Variants in IARS1 observed in about 807,000 individuals in gnomAD.
IARS1 encodes the protein isoleucyl-tRNA synthetase 1.
Under a neutral mutation model 168.2 loss-of-function variants are expected in IARS1, and 124 were observed. The ratio of observed to expected loss-of-function variants is 0.74; its 90% CI spans 0.64 to 0.86. The LOEUF is 0.86. Ranked by LOEUF, IARS1 falls within the 40% of genes least tolerant of loss-of-function variation. The pLI, the probability that IARS1 is intolerant of heterozygous loss-of-function variation, is 0.00. For missense variants in IARS1, 1,452 were observed against 1,515.8 expected (o/e 0.96, Z 0.70); for synonymous variants, 532 against 529.4 (o/e 1.00, Z -0.07).
At chr9:92,276,454 G>A (rs914232670) in intron 9 of IARS1, among the ~76,000 whole-genome samples, 2 of 152,182 alleles carry the variant, frequency 1.3e-5, no homozygotes, top group Non-Finnish European at 2.9e-5. Context: ...CCTGTAGGGA[G>A]GAATGGGATG....
At chr9:92,271,473 A>C in intron 11 of IARS1, 60 bp downstream of exon 11, 5 of 1,584,646 alleles carry the variant, frequency 3.2e-6, no homozygotes, top group Non-Finnish European at 4.3e-6. Flanking sequence ...ACAATTATAA[A>C]TGATGGTAGA....
At chr9:92,279,304 C>T (rs969915650) in intron 7 of IARS1, among the ~76,000 whole-genome samples, 3 of 152,298 alleles carry the variant, frequency 2.0e-5, no homozygotes, top group South Asian at 4.1e-4. Context: ...CTGCCAAGCA[C>T]AAGAGTTATA....
chr9:92,277,439 C>A (rs138089890), intron 9 of IARS1, among the ~76,000 whole-genome samples: 1 of 152,112 alleles, frequency 6.6e-6, no homozygotes, highest in East Asian at 1.9e-4. Context: ...AAATCCCAGC[C>A]AGGTGCAGTG....
intron 20 of IARS1, among the ~76,000 whole-genome samples, chr9:92,255,527 G>A (rs978510049): frequency 2.0e-5 from 3 of 152,100 alleles, no homozygotes; most frequent in African/African-American, 7.2e-5. Context: ...ATTACCCAAC[G>A]AACTCACTGT....
At chr9:92,262,814 C>T (rs3780341) in intron 17 of IARS1, among the ~76,000 whole-genome samples, 155 bp downstream of exon 17, 4,518 of 152,300 alleles carry the variant, frequency 0.03, 103 homozygotes, top group South Asian at 0.079. Flanking sequence ...CTTCCTCCTC[C>T]TCCATCAGGC....
chr9:92,217,100 G>C (rs1253322161), intron 33 of IARS1, among the ~76,000 whole-genome samples: 1 of 149,650 alleles, frequency 6.7e-6, no homozygotes, highest in Non-Finnish European at 1.5e-5. Flanking sequence ...AATCAAACTA[G>C]AACTCAGGAT....
At chr9:92,251,989 A>G in intron 21 of IARS1, 104 bp from the exon 22 acceptor site, 1 of 815,912 alleles carries the variant, frequency 1.2e-6, no homozygotes, top group Non-Finnish European at 2.0e-6. Flanking sequence ...AACATGCAGC[A>G]TACAGACAAG....
At chr9:92,284,055 G>A (rs1019124846) in intron 6 of IARS1, among the ~76,000 whole-genome samples, 1 of 152,110 alleles carries the variant, frequency 6.6e-6, no homozygotes, top group African/African-American at 2.4e-5. Flanking sequence ...GTATGTTCCT[G>A]TAGTCCCAGC....
chr9:92,271,636 A>G lies in IARS1; in HGVS notation c.1010T>C (p.Met337Thr), dbSNP rs758319374. 7 of 1,614,108 alleles carry G rather than the reference A, an allele frequency of 4.3e-6. No individual in the cohort carries two copies. Among genetic ancestry groups the G allele is most frequent in the South Asian group, 1.1e-5 (1 of 91,088 alleles). The change falls in exon 11 of 34, where the codon ATG becomes ACG. Residue 337 changes from methionine (M) to threonine (T), a missense_variant. Transcript: ENST00000443024. ...GTCTTTCCGAATAATGTTAAAGTCC[A>G]TACAGACCCGATAGTCCTCCTGAGA... ...YFGAEDYRVC[M>T]DFNIIRKDSL...
chr9:92,232,288 A>C (rs1826837071), intron 30 of IARS1, among the ~76,000 whole-genome samples: 1 of 152,232 alleles, frequency 6.6e-6, no homozygotes, highest in African/African-American at 2.4e-5. Flanking sequence ...TTTTCCAAAT[A>C]AAATACTGAA....
chr9:92,239,116 A>G (rs1827980861), intron 30 of IARS1, among the ~76,000 whole-genome samples: 1 of 151,968 alleles, frequency 6.6e-6, no homozygotes. Context: ...CTATTGAATT[A>G]CCCTCCATTT....
intron 11 of IARS1, 93 bp downstream of exon 11, chr9:92,271,440 C>T: frequency 6.6e-7 from 1 of 1,518,606 alleles, no homozygotes; most frequent in Non-Finnish European, 9.1e-7. Context: ...CAAATAAAAA[C>T]AACTTCCTAG....
At chr9:92,251,764 A>G (rs1424147995) in intron 22 of IARS1, 44 bp downstream of exon 22, 2 of 1,402,980 alleles carry the variant, frequency 1.4e-6, no homozygotes, top group Non-Finnish European at 2.0e-6. Context: ...TGCTGAAGGC[A>G]GCCCATAGGC....
chr9:92,291,161 G>A (rs1360933041), intron 1 of IARS1, among the ~76,000 whole-genome samples: 1 of 151,992 alleles, frequency 6.6e-6, no homozygotes, highest in East Asian at 1.9e-4. Flanking sequence ...CCTTCTCAAA[G>A]TCTATTTATA....
chr9:92,244,921 CTCT>C, intron 27 of IARS1, 35 bp downstream of exon 27: 1 of 1,511,724 alleles, frequency 6.6e-7, no homozygotes, highest in East Asian at 2.3e-5. Flanking sequence ...ATGCTCTCAT[CTCT>C]TGGTAAAGAA....
At chr9:92,241,916 T>C (rs529235783) in intron 29 of IARS1, among the ~76,000 whole-genome samples, 1 of 152,228 alleles carries the variant, frequency 6.6e-6, no homozygotes, top group East Asian at 1.9e-4. Context: ...AAAGCTCATG[T>C]ACCCTCCTGG....
intron 31 of IARS1, among the ~76,000 whole-genome samples, chr9:92,226,245 T>C (rs1825654403): frequency 6.6e-6 from 1 of 152,206 alleles, no homozygotes; most frequent in African/African-American, 2.4e-5. Flanking sequence ...TAGCAAACAG[T>C]TTTCCAGTGG....
intron 21 of IARS1, among the ~76,000 whole-genome samples, chr9:92,253,026 T>C (rs1440156037): frequency 1.3e-5 from 2 of 152,078 alleles, no homozygotes; most frequent in African/African-American, 2.4e-5. Context: ...TAATGCCATA[T>C]CTACCAGTAT....
rs145476390 is a variant in IARS1, at chr9:92,281,351, C to T, written c.598-458G>A. 5.2e-3 allele frequency among the ~76,000 whole-genome samples: 792 copies of T among 152,128 alleles called. 12 individuals carry two copies. Among genetic ancestry groups the T allele is most frequent in the Admixed American group, 0.016 (249 of 15,264 alleles). On this transcript the variant is annotated intron_variant, in intron 6 of 33. Transcript: ENST00000443024. ...GTTATTCCATGTTGGTTAGGCTGGT[C>T]TCAAACTCCTGACCGCAGGTGATCC...
Sources: allele counts gnomAD v4.1 joint callset (sites outside exome capture counted in the v4.1 genomes callset), GRCh38; gene constraint gnomAD v4.1.1; transcripts MANE v1.5; gene names NCBI Gene and HGNC (gene_info 2026-07-23, HGNC 2026-07-21).